The following TNR variants were observed in gnomAD, a reference collection of about 807,000 sequenced individuals.
The protein encoded by TNR is tenascin R.
In TNR, 45 loss-of-function variants were observed where a neutral mutation model predicts 150.4. The ratio of observed to expected loss-of-function variants is 0.30; its 90% CI spans 0.24 to 0.38. The LOEUF is 0.38. Among genes scored for constraint, TNR ranks in the 10% least tolerant of loss-of-function variants. The pLI is 1.00. For synonymous variants in TNR, 687 were observed against 678.4 expected (o/e 1.01, Z -0.20); for missense variants, 1,544 against 1,759.1 (o/e 0.88, Z 2.19).
At chr1:175,437,720 C>G (rs1655576795) in intron 2 of TNR, among the ~76,000 whole-genome samples, 1 of 152,174 alleles carries the variant, frequency 6.6e-6, no homozygotes, top group African/African-American at 2.4e-5. Flanking sequence ...CACAGAAATA[C>G]AAACTACCAT....
chr1:175,510,623 A>C (rs1286356387), intron 2 of TNR, among the ~76,000 whole-genome samples: 1 of 152,230 alleles, frequency 6.6e-6, no homozygotes, highest in African/African-American at 2.4e-5. Flanking sequence ...AAAACTCTTA[A>C]TTGGAACTAC....
intron 2 of TNR, among the ~76,000 whole-genome samples, chr1:175,524,614 G>A: frequency 6.6e-6 from 1 of 152,128 alleles, no homozygotes; most frequent in East Asian, 1.9e-4. Flanking sequence ...TCTCTCCAGA[G>A]ACAGGACAAA....
At chr1:175,498,629 A>G (rs927227482) in intron 2 of TNR, among the ~76,000 whole-genome samples, 2 of 152,200 alleles carry the variant, frequency 1.3e-5, no homozygotes, top group African/African-American at 4.8e-5. Context: ...TCTTCCTAGC[A>G]TAGGCAGAAA....
chr1:175,670,667 AG>A (rs1665670948), intron 1 of TNR, among the ~76,000 whole-genome samples: 1 of 152,156 alleles, frequency 6.6e-6, no homozygotes, highest in South Asian at 2.1e-4. Context: ...GGTTCTCATA[AG>A]GGATGACAAT....
At chr1:175,451,424 A>G (rs926408007) in intron 2 of TNR, among the ~76,000 whole-genome samples, 17 of 151,438 alleles carry the variant, frequency 1.1e-4, no homozygotes, top group Non-Finnish European at 2.4e-4. Context: ...CCTGTGTCCA[A>G]GTGTTCTCAT....
At chr1:175,691,989 A>G (rs1666380701) in intron 1 of TNR, among the ~76,000 whole-genome samples, 2 of 152,186 alleles carry the variant, frequency 1.3e-5, no homozygotes, top group African/African-American at 2.4e-5. Flanking sequence ...ATTATTTCAT[A>G]TATAATTAAT....
chr1:175,569,542 A>G (rs1661778973), intron 1 of TNR, among the ~76,000 whole-genome samples: 1 of 152,192 alleles, frequency 6.6e-6, no homozygotes, highest in Non-Finnish European at 1.5e-5. Flanking sequence ...CCAGTGTAAA[A>G]CCATATATCA....
intron 1 of TNR, among the ~76,000 whole-genome samples, chr1:175,588,084 T>C (rs1271853051): frequency 6.6e-6 from 1 of 152,078 alleles, no homozygotes; most frequent in Non-Finnish European, 1.5e-5. Flanking sequence ...TGTGAAGAGG[T>C]GAAGTTCAAG....
chr1:175,397,954 T>C (rs774970125), intron 4 of TNR, among the ~76,000 whole-genome samples: 27 of 152,250 alleles, frequency 1.8e-4, no homozygotes, highest in Non-Finnish European at 2.5e-4. Flanking sequence ...AGCCGATATT[T>C]AAATGGTCAT....
chr1:175,377,849 G>C (rs952539150), intron 9 of TNR, among the ~76,000 whole-genome samples: 1 of 152,102 alleles, frequency 6.6e-6, no homozygotes, highest in African/African-American at 2.4e-5. Context: ...GGCAGCTCCT[G>C]GTCCATGACT....
chr1:175,514,591 T>G (rs1411552220), intron 2 of TNR, among the ~76,000 whole-genome samples: 1 of 152,210 alleles, frequency 6.6e-6, no homozygotes, highest in Non-Finnish European at 1.5e-5. Flanking sequence ...GAGAAGTTTT[T>G]GTGTAGGGAG....
intron 2 of TNR, among the ~76,000 whole-genome samples, chr1:175,494,780 A>G (rs1658411817): frequency 6.6e-6 from 1 of 152,222 alleles, no homozygotes; most frequent in African/African-American, 2.4e-5. Flanking sequence ...ATCCTGCTGG[A>G]TTCTGGACAA....
chr1:175,358,638 C>A (rs1335917603), intron 15 of TNR, among the ~76,000 whole-genome samples: 1 of 152,172 alleles, frequency 6.6e-6, no homozygotes, highest in African/African-American at 2.4e-5. Context: ...CAAAACAATT[C>A]TGTGATCACA....
At chr1:175,595,162 A>T (rs1328230429) in intron 1 of TNR, among the ~76,000 whole-genome samples, 1 of 152,294 alleles carries the variant, frequency 6.6e-6, no homozygotes, top group South Asian at 2.1e-4. Context: ...GGGAGACTCC[A>T]TCTCAAAAAA....
chr1:175,462,247 T>A (rs1291756166), intron 2 of TNR, among the ~76,000 whole-genome samples: 19 of 152,162 alleles, frequency 1.2e-4, no homozygotes. Flanking sequence ...ATTTGGTGTA[T>A]GTGGAAGATG....
At chr1:175,386,584 G>C (rs893186988) in intron 7 of TNR, among the ~76,000 whole-genome samples, 1 of 152,150 alleles carries the variant, frequency 6.6e-6, no homozygotes, top group African/African-American at 2.4e-5. Context: ...AAGGGCACTT[G>C]CTGGCTTGAA....
At chr1:175,363,635 G>T in intron 13 of TNR, 73 bp downstream of exon 13, 1 of 1,540,002 alleles carries the variant, frequency 6.5e-7, no homozygotes, top group Admixed American at 1.8e-5. Flanking sequence ...TGGATGTTCT[G>T]CGGGATATGC....
intron 8 of TNR, among the ~76,000 whole-genome samples, chr1:175,380,335 G>A (rs1652611736): frequency 2.7e-5 from 1 of 36,834 alleles, no homozygotes; most frequent in South Asian, 1.3e-3. Context: ...TTTTAACCCT[G>A]CTTGGCCTTG....
chr1:175,507,831 G>T (rs1005515350), intron 2 of TNR, among the ~76,000 whole-genome samples: 3 of 152,210 alleles, frequency 2.0e-5, no homozygotes, highest in Non-Finnish European at 4.4e-5. Flanking sequence ...GGGGCTGTTT[G>T]CTCATTTTGT....
Sources: allele counts gnomAD v4.1 joint callset (sites outside exome capture counted in the v4.1 genomes callset), GRCh38; gene constraint gnomAD v4.1.1; transcripts MANE v1.5; gene names NCBI Gene and HGNC (gene_info 2026-07-23, HGNC 2026-07-21).